Variants in MACROD2 observed in about 807,000 individuals in gnomAD.
The protein encoded by MACROD2 is mono-ADP ribosylhydrolase 2.
MACROD2 carries 36 observed loss-of-function variants against 70.4 expected under a neutral mutation model. The ratio of observed to expected loss-of-function variants is 0.51; its 90% CI spans 0.39 to 0.68. The LOEUF (loss-of-function observed/expected upper bound fraction) is 0.68, where lower values mean the gene tolerates loss of function less well. MACROD2 is among the 30% of genes least tolerant of loss of function. The pLI is 0.00. For missense variants in MACROD2, 496 were observed against 538.4 expected, an observed-to-expected ratio of 0.92 and a Z score of 0.78; for synonymous variants, 172 against 178.8, an observed-to-expected ratio of 0.96 and a Z score of 0.30.
At chr20:14,215,023 T>C in intron 3 of MACROD2, among the ~76,000 whole-genome samples, 1 of 150,854 alleles carries the variant, frequency 6.6e-6, no homozygotes, top group South Asian at 2.1e-4. Context: ...ATCATATATA[T>C]GTGTGTGTAC....
chr20:14,204,314 G>C (rs991884462), intron 3 of MACROD2, among the ~76,000 whole-genome samples: 5 of 152,182 alleles, frequency 3.3e-5, no homozygotes, highest in African/African-American at 1.2e-4. Context: ...CCACATCACT[G>C]TGTCTAGCTG....
chr20:14,524,304 C>T (rs1465985391), intron 4 of MACROD2, among the ~76,000 whole-genome samples: 10 of 152,078 alleles, frequency 6.6e-5, no homozygotes, highest in African/African-American at 2.2e-4. Flanking sequence ...TCACTTTTTC[C>T]GAACCACCAA....
At position 14,797,119 on chromosome 20, in the gene MACROD2, G is replaced by A. The variant is rs563376587; in HGVS notation, c.418+112160G>A. On this transcript the variant is annotated intron_variant, in intron 5 of 17. Coordinates refer to ENST00000684519, the MANE Select transcript of MACROD2 (RefSeq NM_001351661.2). ...ATCACAGTCTGTCCGTGTTACTCTC[G>A]CATCTCCTTCTCTGTATTCATTGAC... Among the ~76,000 whole-genome samples, 15 of 151,920 alleles carry A rather than the reference G, an allele frequency of 9.9e-5. No individual in the cohort carries two copies. In the South Asian group the frequency reaches 2.5e-3, roughly 25 times the overall value.
intron 8 of MACROD2, among the ~76,000 whole-genome samples, chr20:15,585,652 G>C (rs146327071): frequency 6.6e-6 from 1 of 152,286 alleles, no homozygotes; most frequent in East Asian, 1.9e-4. Flanking sequence ...GTGGCCTGTA[G>C]TTGCACCTTT....
At chr20:14,614,232 C>T (rs1568699824) in intron 4 of MACROD2, among the ~76,000 whole-genome samples, 4 of 152,084 alleles carry the variant, frequency 2.6e-5, no homozygotes. Flanking sequence ...AAAATGATGA[C>T]AATTATAGTA....
chr20:14,642,659 G>T (rs2123494147), intron 4 of MACROD2, among the ~76,000 whole-genome samples: 1 of 152,230 alleles, frequency 6.6e-6, no homozygotes, highest in East Asian at 1.9e-4. Flanking sequence ...GAAGAGAGAT[G>T]GGCAATTGCT....
intron 7 of MACROD2, among the ~76,000 whole-genome samples, chr20:15,475,796 A>C (rs2047014777): frequency 1.3e-5 from 2 of 152,210 alleles, no homozygotes; most frequent in South Asian, 4.1e-4. Flanking sequence ...AGGCTTGCCC[A>C]GAAAGTCTCC....
intron 8 of MACROD2, among the ~76,000 whole-genome samples, chr20:15,684,819 A>G (rs1333603426): frequency 1.3e-5 from 2 of 152,146 alleles, no homozygotes; most frequent in Non-Finnish European, 2.9e-5. Context: ...TGGCTTAGGA[A>G]AAAAATTGAA....
At chr20:14,404,003 A>G (rs1234991463) in intron 3 of MACROD2, among the ~76,000 whole-genome samples, 1 of 152,188 alleles carries the variant, frequency 6.6e-6, no homozygotes, top group Admixed American at 6.5e-5. Flanking sequence ...TAGAATAACC[A>G]GTTAAATTGG....
At chr20:14,088,548 A>AG (rs2054110920) in intron 3 of MACROD2, among the ~76,000 whole-genome samples, 4 of 152,108 alleles carry the variant, frequency 2.6e-5, no homozygotes, top group Non-Finnish European at 1.5e-5. Flanking sequence ...TTCTGTCCTG[A>AG]GGAAGTACAA....
chr20:14,154,552 A>ATTTTTTTTTTTTTTT (rs869299523), intron 3 of MACROD2, among the ~76,000 whole-genome samples: 10 of 106,650 alleles, frequency 9.4e-5, no homozygotes, highest in South Asian at 3.1e-4. Flanking sequence ...CGCCCGGCTA[A>ATTTTTTTTTTTTTTT]TTTTTTTTTT....
chr20:14,779,551 T>C (rs2072274447), intron 5 of MACROD2, among the ~76,000 whole-genome samples: 1 of 152,156 alleles, frequency 6.6e-6, no homozygotes, highest in Non-Finnish European at 1.5e-5. Flanking sequence ...CTTTCTATTA[T>C]TCAAAATGGA....
chr20:14,928,235 G>A (rs917142315), intron 5 of MACROD2, among the ~76,000 whole-genome samples: 3 of 95,794 alleles, frequency 3.1e-5, no homozygotes, highest in Admixed American at 1.0e-4. Context: ...GCCAATGTCA[G>A]TGTAGAATTA....
intron 3 of MACROD2, among the ~76,000 whole-genome samples, chr20:14,488,283 G>T (rs1242428089): frequency 6.6e-6 from 1 of 152,084 alleles, no homozygotes; most frequent in East Asian, 1.9e-4. Flanking sequence ...TCACTCTTGG[G>T]AAAGCCCCAG....
intron 5 of MACROD2, among the ~76,000 whole-genome samples, chr20:15,011,308 G>A (rs2075080706): frequency 6.6e-6 from 1 of 152,170 alleles, no homozygotes; most frequent in South Asian, 2.1e-4. Flanking sequence ...GAAGGAAAGA[G>A]AGAGGAATCG....
intron 6 of MACROD2, among the ~76,000 whole-genome samples, chr20:15,263,044 A>G (rs760407111): frequency 1.3e-5 from 2 of 151,712 alleles, no homozygotes; most frequent in African/African-American, 4.8e-5. Flanking sequence ...TTTTAATTTG[A>G]TGTGCTTCTA....
chr20:14,997,187 C>G (rs980567471), intron 5 of MACROD2, among the ~76,000 whole-genome samples: 3 of 152,154 alleles, frequency 2.0e-5, no homozygotes, highest in African/African-American at 7.2e-5. Context: ...ATAAAGAGGA[C>G]TTTGTTTTAC....
chr20:14,233,260 C>T (rs1601381859), intron 3 of MACROD2, among the ~76,000 whole-genome samples: 1 of 152,220 alleles, frequency 6.6e-6, no homozygotes, highest in South Asian at 2.1e-4. Context: ...TGAGCACATC[C>T]GCTTGGGAAA....
chr20:15,799,473 G>C (rs1300682431), intron 8 of MACROD2, among the ~76,000 whole-genome samples: 1 of 152,010 alleles, frequency 6.6e-6, no homozygotes, highest in Non-Finnish European at 1.5e-5. Context: ...CAGCCTCTGG[G>C]AACCATCATT....
Sources: gnomAD v4.1 joint callset for allele counts (sites outside exome capture counted in the v4.1 genomes callset) on GRCh38, gnomAD v4.1.1 for gene constraint, MANE v1.5 for transcripts, NCBI Gene and HGNC (gene_info 2026-07-23, HGNC 2026-07-21) for gene names.